The following PID1 variants were observed in gnomAD, a reference collection of about 807,000 sequenced individuals.
PID1 encodes phosphotyrosine interaction domain containing 1.
Under a neutral mutation model 19.1 loss-of-function variants are expected in PID1, and 10 were observed. The ratio of observed to expected loss-of-function variants is 0.52; its 90% CI spans 0.32 to 0.89. The LOEUF is 0.89. Among genes scored for constraint, PID1 ranks in the 40% least tolerant of loss-of-function variants. The probability of loss-of-function intolerance (pLI) is 0.03; values close to 1 mark genes in which losing one functional copy is unlikely to be tolerated. For missense variants in PID1, 248 were observed against 285.3 expected (o/e 0.87, Z 0.94); for synonymous variants, 130 against 116.0 (o/e 1.12, Z -0.78).
At chr2:229,082,129 C>G (rs549922461) in intron 2 of PID1, among the ~76,000 whole-genome samples, 1 of 152,324 alleles carries the variant, frequency 6.6e-6, no homozygotes, top group South Asian at 2.1e-4. Context: ...TGAGATGTCA[C>G]CATGATACTC....
intron 1 of PID1, among the ~76,000 whole-genome samples, chr2:229,236,993 C>CAA (rs1198086837): frequency 6.8e-6 from 1 of 147,890 alleles, no homozygotes; most frequent in African/African-American, 2.5e-5. Context: ...CACATACACA[C>CAA]ACACACACAC....
intron 1 of PID1, among the ~76,000 whole-genome samples, chr2:229,258,457 A>G (rs934129213): frequency 2.0e-5 from 3 of 152,218 alleles, no homozygotes; most frequent in Non-Finnish European, 4.4e-5. Context: ...AAAGGAAATG[A>G]AAAATTCTCA....
At chr2:229,167,164 A>G (rs541380684) in intron 1 of PID1, among the ~76,000 whole-genome samples, 1 of 152,266 alleles carries the variant, frequency 6.6e-6, no homozygotes, top group East Asian at 1.9e-4. Context: ...AAGTTACCAT[A>G]TTGCAAACAC....
At chr2:229,030,755 T>A (rs906336035) in intron 2 of PID1, among the ~76,000 whole-genome samples, 2 of 152,178 alleles carry the variant, frequency 1.3e-5, no homozygotes, top group Non-Finnish European at 2.9e-5. Flanking sequence ...ATCTTCCTCT[T>A]TATAAATCTT....
rs1419683012 is a variant in PID1, at chr2:229,184,365, ATATCCCATATATATC to A, written c.31-28416_31-28402del. On this transcript the variant is annotated intron_variant, in intron 1 of 2. Transcript: ENST00000392055. ...TATCCCATATATATATCACACATAT[ATATCCCATATATATC>A]TATCCCGTATATATCTATCCCGTAT... Among the ~76,000 whole-genome samples, 225 of 133,242 alleles carry A rather than the reference ATATCCCATATATATC, an allele frequency of 1.7e-3. 88 individuals carry two copies. The highest frequency in any genetic ancestry group is 5.3e-3 in the African/African-American group (188 of 35,146). The allele number at this position is 133,242 out of a possible 152,430, so 87.4% of individuals were successfully genotyped here. A position where few individuals can be genotyped will look rare whatever the true frequency, so the allele number is the denominator to read the frequency against.
At chr2:229,075,548 T>A (rs944745089) in intron 2 of PID1, among the ~76,000 whole-genome samples, 2 of 152,078 alleles carry the variant, frequency 1.3e-5, no homozygotes, top group Admixed American at 1.3e-4. Context: ...CCAGTGAAAG[T>A]CTAAAAAGCG....
intron 2 of PID1, among the ~76,000 whole-genome samples, chr2:229,037,330 T>C (rs1693685047): frequency 6.6e-6 from 1 of 152,184 alleles, no homozygotes; most frequent in Non-Finnish European, 1.5e-5. Context: ...AGTACTATTT[T>C]TGAACTCTAG....
intron 2 of PID1, among the ~76,000 whole-genome samples, chr2:229,106,856 G>C (rs922425326): frequency 1.3e-5 from 2 of 152,192 alleles, no homozygotes; most frequent in Non-Finnish European, 2.9e-5. Flanking sequence ...TGGATTGCAT[G>C]ATGTCCACCA....
intron 1 of PID1, among the ~76,000 whole-genome samples, chr2:229,269,069 GATGT>G (rs897226202): frequency 3.9e-5 from 6 of 152,176 alleles, no homozygotes; most frequent in African/African-American, 1.4e-4. Context: ...CAAGGCTTGA[GATGT>G]ATGTACTTTC....
At chr2:229,082,619 T>C (rs1000755225) in intron 2 of PID1, among the ~76,000 whole-genome samples, 4 of 152,162 alleles carry the variant, frequency 2.6e-5, no homozygotes, top group Non-Finnish European at 5.9e-5. Flanking sequence ...GATGGAGTCA[T>C]GTGAAAAGGG....
chr2:229,180,308 A>T (rs1690912265), intron 1 of PID1, among the ~76,000 whole-genome samples: 1 of 152,200 alleles, frequency 6.6e-6, no homozygotes, highest in Non-Finnish European at 1.5e-5. Flanking sequence ...GGAATTAGTA[A>T]TCCATCTAAA....
At chr2:229,036,161 A>G (rs1386006646) in intron 2 of PID1, among the ~76,000 whole-genome samples, 1 of 152,184 alleles carries the variant, frequency 6.6e-6, no homozygotes, top group Non-Finnish European at 1.5e-5. Context: ...TTGGAGCCCA[A>G]CACTATGGTG....
chr2:229,214,060 T>A (rs768811569), intron 1 of PID1, among the ~76,000 whole-genome samples: 1 of 152,144 alleles, frequency 6.6e-6, no homozygotes, highest in Non-Finnish European at 1.5e-5. Context: ...TAAACAAACA[T>A]AAATGAAAGG....
intron 1 of PID1, among the ~76,000 whole-genome samples, chr2:229,199,242 G>C (rs1466277858): frequency 6.6e-6 from 1 of 152,026 alleles, no homozygotes; most frequent in Non-Finnish European, 1.5e-5. Context: ...ACTGCCCCCA[G>C]CAAGTATCAC....
At chr2:229,210,660 T>C (rs921755072) in intron 1 of PID1, among the ~76,000 whole-genome samples, 4 of 151,808 alleles carry the variant, frequency 2.6e-5, no homozygotes, top group African/African-American at 9.7e-5. Flanking sequence ...GTCTTATAAA[T>C]TCTTTACGTG....
chr2:229,153,995 T>C (rs1043125041), intron 2 of PID1, among the ~76,000 whole-genome samples: 1 of 152,194 alleles, frequency 6.6e-6, no homozygotes, highest in Non-Finnish European at 1.5e-5. Context: ...CATATCACTT[T>C]CAAATTTATA....
chr2:229,161,644 T>C lies in PID1; in HGVS notation c.31-5680A>G, dbSNP rs115270191. Among the ~76,000 whole-genome samples the C allele has an allele frequency of 9.9e-3, 1,512 of 152,352 alleles. 25 individuals carry two copies. The highest frequency in any genetic ancestry group is 0.034 in the African/African-American group (1,394 of 41,576). ...AATAGACTAAACCTTAATGATAAAG[T>C]ACCAATAATCTGAAGTAGGTATTAC... is the stretch of plus-strand genomic sequence containing the variant. On this transcript the variant is annotated intron_variant, in intron 1 of 2. Transcript: ENST00000392055.
At chr2:229,043,731 A>G (rs561060140) in intron 2 of PID1, among the ~76,000 whole-genome samples, 2 of 152,344 alleles carry the variant, frequency 1.3e-5, no homozygotes, top group East Asian at 3.9e-4. Context: ...CAAAGCAGGC[A>G]ATCACTGTCT....
At chr2:229,170,915 A>G (rs545442247) in intron 1 of PID1, among the ~76,000 whole-genome samples, 53 of 152,366 alleles carry the variant, frequency 3.5e-4, no homozygotes, top group African/African-American at 1.2e-3. Flanking sequence ...TACTTTCAAA[A>G]GAATGAAAGA....
Sources: gnomAD v4.1 joint callset for allele counts (sites outside exome capture counted in the v4.1 genomes callset) on GRCh38, gnomAD v4.1.1 for gene constraint, MANE v1.5 for transcripts, NCBI Gene and HGNC (gene_info 2026-07-23, HGNC 2026-07-21) for gene names.